Variants in PLEC observed in about 807,000 individuals in gnomAD.
The protein encoded by PLEC is plectin.
PLEC carries 216 observed loss-of-function variants against 392.8 expected under a neutral mutation model. That is an observed-to-expected ratio of 0.55 (90% CI 0.49 to 0.62). The LOEUF is 0.62. Ranked by LOEUF, PLEC falls within the 20% of genes least tolerant of loss-of-function variation. The pLI is 0.00. For synonymous variants in PLEC, 3,621 were observed against 2,980.6 expected, an observed-to-expected ratio of 1.21 and a Z score of -7.00; for missense variants, 6,863 against 6,563.4, an observed-to-expected ratio of 1.05 and a Z score of -1.58.
At chr8:143,965,089 C>T (rs1207148623) in intron 1 of PLEC, among the ~76,000 whole-genome samples, 1 of 151,440 alleles carries the variant, frequency 6.6e-6, no homozygotes, top group Non-Finnish European at 1.5e-5. Flanking sequence ...ACCAGCCTGC[C>T]CAAGAGCACC....
upstream of PLEC, chr8:143,975,162 G>A: frequency 1.3e-6 from 2 of 1,596,608 alleles, no homozygotes; most frequent in Non-Finnish European, 1.7e-6. The surrounding 1 kb of genome is among the most constrained non-coding windows in gnomAD (Gnocchi z 9.9). Flanking sequence ...CACAGGCAAG[G>A]CCCTGCGCAG....
chr8:143,919,615 C>T lies in PLEC; in HGVS notation c.10206G>A (p.Val3402=), dbSNP rs1405869734. Residue 3402 remains valine (V), a synonymous_variant, in exon 32 of 32, where the codon GTG becomes GTA. Transcript: ENST00000345136. ...QAATGFLVDP[V]RNQRLYVHEA... is the part of the protein sequence containing the mutation. Reference sequence around the variant, plus strand: ...CGTGGACATACAGGCGCTGGTTCCGCACGGGGTCCACCAGGAAGCCAGTGG... The same window carrying T: ...CGTGGACATACAGGCGCTGGTTCCGTACGGGGTCCACCAGGAAGCCAGTGG... 6.3e-7 allele frequency: 1 copy of T among 1,586,054 alleles called. No individual in the cohort carries two copies. Among genetic ancestry groups the T allele is most frequent in the African/African-American group, 1.3e-5 (1 of 74,278 alleles).
upstream of PLEC, among the ~76,000 whole-genome samples, chr8:143,941,160 C>T (rs955877021): frequency 2.0e-5 from 3 of 152,328 alleles, no homozygotes; most frequent in South Asian, 4.1e-4. Flanking sequence ...CCAAGCCCCG[C>T]GCCTGCTGGG....
exon 1 of PLEC, chr8:143,950,794 C>T (rs1300165486): frequency 7.9e-6 from 12 of 1,525,078 alleles, no homozygotes; most frequent in Middle Eastern, 2.2e-4. Context: ...GAAGCTCCCG[C>T]GCTACAGGGT....
At chr8:143,944,036 C>T (rs1369045111), upstream of PLEC, 7 of 1,268,298 alleles carry the variant, frequency 5.5e-6, no homozygotes, top group Middle Eastern at 2.7e-4. Context: ...GCCCCATACG[C>T]GGCGGCAGCC....
chr8:143,947,119 C>A (rs1410829479), intron 1 of PLEC, among the ~76,000 whole-genome samples: 4 of 152,256 alleles, frequency 2.6e-5, no homozygotes, highest in African/African-American at 9.6e-5. Flanking sequence ...GCTGGCCGGG[C>A]CATAGTCCCT....
chr8:143,939,614 C>G, upstream of PLEC: 1 of 1,473,304 alleles, frequency 6.8e-7, no homozygotes, highest in Non-Finnish European at 9.0e-7. Flanking sequence ...TGCGGCCACT[C>G]CCTGCCTGCT....
chr8:143,964,832 AAG>A (rs1285825594), intron 1 of PLEC, among the ~76,000 whole-genome samples: 2 of 152,182 alleles, frequency 1.3e-5, no homozygotes, highest in East Asian at 3.8e-4. Flanking sequence ...AAAGAAGAGA[AAG>A]AGATGCACTT....
chr8:143,929,437 C>T lies in PLEC; in HGVS notation c.3058G>A (p.Ala1020Thr). ...PLDKEPAREC[A>T]QRIAEQQKAQ... The stretch of plus-strand genomic sequence containing the variant: ...GCCTGCTGCTCGGCGATGCGCTGGG[C>T]ACACTCCCGTGCCGGCTCTTTGTCC... The change falls in exon 24 of 32, where the codon GCC becomes ACC. Residue 1020 changes from alanine (A) to threonine (T), a missense_variant. Transcript: ENST00000345136. 1 of 1,577,762 alleles carries T rather than the reference C, an allele frequency of 6.3e-7. No homozygotes were observed. Among genetic ancestry groups the T allele is most frequent in the African/African-American group, 1.3e-5 (1 of 74,358 alleles).
Position 143,917,634 on chromosome 8 carries a change from C to G in PLEC, c.12187G>C (p.Val4063Leu). The part of the protein sequence containing the change: ...IDPEESHRLP[V>L]EVAYKRGLFD... ...AGGCCGCGCTTGTAGGCCACCTCCA[C>G]GGGCAGCCGGTGGCTCTCCTCAGGG... is the stretch of plus-strand genomic sequence containing the variant. The change falls in exon 32 of 32, where the codon GTG (valine) becomes CTG (leucine). Residue 4063 changes from valine to leucine, a missense_variant. Transcript: ENST00000345136. The G allele has an allele frequency of 2.5e-6, 4 of 1,613,696 alleles. No homozygotes were observed. The highest frequency in any genetic ancestry group is 3.4e-6 in the Non-Finnish European group (4 of 1,180,028).
At chr8:143,968,148 A>G (rs1833211060) in intron 1 of PLEC, among the ~76,000 whole-genome samples, 1 of 152,136 alleles carries the variant, frequency 6.6e-6, no homozygotes, top group Non-Finnish European at 1.5e-5. Flanking sequence ...AAAAAAAAAA[A>G]AAGGAAGAAA....
rs1821674125 is a variant in PLEC at position 143,919,247 on chromosome 8, T to C, written c.10574A>G (p.Gln3525Arg). ...PNTHENLTYR[Q>R]LLERCVEDPE... ...GTCCTCCACGCACCGCTCCAGCAGC[T>C]GCCTGTACGTGAGGTTCTCATGCGT... Residue 3525 changes from glutamine (Q) to arginine (R), a missense_variant, in exon 32 of 32, where the codon CAG becomes CGG. Gln to Arg is a conservative substitution (Grantham distance 43). Coordinates refer to ENST00000345136, the MANE Select transcript of PLEC (RefSeq NM_201384.3). The C allele has an allele frequency of 2.5e-6, 4 of 1,613,992 alleles. No homozygotes were observed. The highest frequency in any genetic ancestry group is 2.5e-6 in the Non-Finnish European group (3 of 1,180,030).
chr8:143,934,107 AGGGAAGGGGCCGCGTTGGCC>A lies in PLEC; in HGVS notation c.1170-36_1170-17del, dbSNP rs1564143094. 1 of 1,609,912 alleles carries A rather than the reference AGGGAAGGGGCCGCGTTGGCC, an allele frequency of 6.2e-7. No homozygotes were observed. Among genetic ancestry groups the A allele is most frequent in the East Asian group, 2.2e-5 (1 of 44,636 alleles). On this transcript the variant is annotated splice_polypyrimidine_tract_variant and intron_variant, in intron 11 of 31. Transcript: ENST00000345136. ...ACACTCCAGCCTGCAGCAGCAGCAC[AGGGAAGGGGCCGCGTTGGCC>A]GGGTCCGGCACAGCCCTGGCCACAG...
chr8:143,935,424 C>G, intron 6 of PLEC, 111 bp from the exon 7 acceptor site: 1 of 767,214 alleles, frequency 1.3e-6, no homozygotes, highest in East Asian at 2.6e-5. Flanking sequence ...TGGACCCCCC[C>G]AACACTCACC....
intron 1 of PLEC, among the ~76,000 whole-genome samples, chr8:143,948,197 A>G (rs1404569181): frequency 4.6e-5 from 7 of 152,200 alleles, no homozygotes; most frequent in African/African-American, 1.7e-4. Context: ...GCAGGGGTAC[A>G]GCTGGTGCTC....
At position 143,916,089 on chromosome 8, in the gene PLEC, A is replaced by C. The variant is rs931562484; in HGVS notation, c.*88T>G. 9 of 861,622 alleles carry C rather than the reference A, an allele frequency of 1.0e-5. No homozygotes were observed. Among genetic ancestry groups the C allele is most frequent in the Admixed American group, 6.0e-5 (2 of 33,358 alleles). 53.4% of individuals were successfully genotyped at this position (861,622 alleles called of 1,614,324 possible). Reference sequence around the variant, plus strand: ...TAAACTTTAGGCACCACTTGGGAGGAAGACACCTTTAAGCGTTGAAAACGG... The same window carrying C: ...TAAACTTTAGGCACCACTTGGGAGGCAGACACCTTTAAGCGTTGAAAACGG... On this transcript the variant is annotated 3_prime_UTR_variant, in exon 32 of 32. Transcript: ENST00000345136.
chr8:143,956,392 A>C (rs1260286160), upstream of PLEC, among the ~76,000 whole-genome samples: 5 of 152,186 alleles, frequency 3.3e-5, no homozygotes, highest in South Asian at 4.1e-4. Context: ...ACAAAGCAAG[A>C]CACCGTCTCT....
Position 143,959,431 on chromosome 8 carries a change from C to T in PLEC, c.70+13972G>A, listed in dbSNP as rs1832759901. 3.3e-5 allele frequency among the ~76,000 whole-genome samples: 5 copies of T among 152,250 alleles called. 1 individual carries two copies. The highest frequency in any genetic ancestry group is 3.3e-4 in the Admixed American group (5 of 15,292). Reference sequence around the variant, plus strand: ...GCTGATGCAGGGAACGCCCCGGCTCCAGGATGGCTCCAGGACCAGGCTCGG... The same window carrying T: ...GCTGATGCAGGGAACGCCCCGGCTCTAGGATGGCTCCAGGACCAGGCTCGG... On this transcript the variant is annotated intron_variant, in intron 1 of 31. Transcript: ENST00000356346.
intron 3 of PLEC, chr8:143,937,533 G>A: frequency 1.9e-6 from 1 of 538,594 alleles, no homozygotes; most frequent in Non-Finnish European, 3.4e-6. Flanking sequence ...CACTAAAGGG[G>A]GGGTCCTCCT....
Sources: gnomAD v4.1 joint callset for allele counts (sites outside exome capture counted in the v4.1 genomes callset) on GRCh38, gnomAD v4.1.1 for gene constraint, Gnocchi (gnomAD v3.1) non-coding constraint, MANE v1.5 for transcripts, NCBI Gene and HGNC (gene_info 2026-07-23, HGNC 2026-07-21) for gene names.